AUH: variants seen among roughly 807,000 people sequenced by gnomAD.
The protein encoded by AUH is AU RNA binding methylglutaconyl-CoA hydratase.
A neutral mutation model predicts 42.3 loss-of-function variants in AUH; 29 were observed. The observed-to-expected ratio is 0.69, with a 90% CI of 0.51 to 0.93. The LOEUF (loss-of-function observed/expected upper bound fraction) is 0.93. Among genes scored for constraint, AUH ranks in the 40% least tolerant of loss-of-function variants. The probability of loss-of-function intolerance (pLI) is 0.00; values close to 1 mark genes in which losing one functional copy is unlikely to be tolerated. For synonymous variants in AUH, 174 were observed against 166.4 expected, an observed-to-expected ratio of 1.05 and a Z score of -0.35; for missense variants, 452 against 438.1, an observed-to-expected ratio of 1.03 and a Z score of -0.28.
intron 6 of AUH, among the ~76,000 whole-genome samples, chr9:91,290,839 C>T (rs1043797424): frequency 6.6e-6 from 1 of 152,166 alleles, no homozygotes; most frequent in African/African-American, 2.4e-5. Context: ...ATCTTGCTCC[C>T]TCCCCAAATT....
chr9:91,308,974 C>T (rs1828458391), intron 4 of AUH, among the ~76,000 whole-genome samples: 1 of 151,682 alleles, frequency 6.6e-6, no homozygotes, highest in African/African-American at 2.4e-5. Context: ...GTACTTTTAG[C>T]AGCGATGGGG....
chr9:91,316,888 A>G (rs1211650117), intron 4 of AUH, among the ~76,000 whole-genome samples: 1 of 152,212 alleles, frequency 6.6e-6, no homozygotes, highest in African/African-American at 2.4e-5. Flanking sequence ...TTAATTTGGT[A>G]AAATTGATCA....
chr9:91,249,380 A>G (rs1403211420), intron 6 of AUH, among the ~76,000 whole-genome samples: 3 of 149,912 alleles, frequency 2.0e-5, no homozygotes, highest in African/African-American at 7.4e-5. Context: ...TTTGGGGAAC[A>G]CTGGACCCAC....
intron 6 of AUH, among the ~76,000 whole-genome samples, chr9:91,282,062 T>C (rs1205111673): frequency 1.3e-5 from 2 of 152,108 alleles, no homozygotes; most frequent in African/African-American, 4.8e-5. Flanking sequence ...TAGATCTGAC[T>C]CCCCTATTGC....
chr9:91,340,522 CAG>C (rs1374064574), intron 3 of AUH, among the ~76,000 whole-genome samples: 1 of 152,154 alleles, frequency 6.6e-6, no homozygotes, highest in Admixed American at 6.5e-5. Flanking sequence ...AACTTCAACT[CAG>C]GGAGTTTTTA....
intron 6 of AUH, among the ~76,000 whole-genome samples, chr9:91,260,891 C>A (rs1045659660): frequency 2.6e-5 from 4 of 152,278 alleles, no homozygotes; most frequent in South Asian, 2.1e-4. Flanking sequence ...TTTTCTTCTA[C>A]AGTACCTAAT....
intron 6 of AUH, among the ~76,000 whole-genome samples, chr9:91,246,672 A>C (rs1416389079): frequency 2.6e-5 from 4 of 152,400 alleles, no homozygotes; most frequent in Middle Eastern, 3.4e-3. Context: ...GTCAGAAATC[A>C]CGCCAAAGGC....
intron 3 of AUH, among the ~76,000 whole-genome samples, chr9:91,346,205 T>C (rs1202421738): frequency 2.0e-5 from 3 of 151,988 alleles, no homozygotes; most frequent in Non-Finnish European, 4.4e-5. Context: ...ACCAGAAATA[T>C]CAAGCCATGA....
Position 91,239,441 on chromosome 9 carries a change from T to C in AUH, c.656-18449A>G, listed in dbSNP as rs148196832. 4.4e-3 allele frequency among the ~76,000 whole-genome samples: 674 copies of C among 152,312 alleles called. 18 individuals are homozygous for C. The highest frequency in any genetic ancestry group is 0.041 in the Admixed American group (622 of 15,294). On this transcript the variant is annotated intron_variant, in intron 6 of 9. Transcript: ENST00000375731. ...ACTGCAGTATAATGCTAACTTTGGA[T>C]TATAAAGCCCACTGCAAGCTGATTC...
intron 6 of AUH, among the ~76,000 whole-genome samples, chr9:91,275,822 G>A (rs950697027): frequency 6.6e-6 from 1 of 152,202 alleles, no homozygotes; most frequent in African/African-American, 2.4e-5. Flanking sequence ...TTGATGAAAT[G>A]AAAAGTGGTC....
chr9:91,330,983 T>C (rs1389353008), intron 3 of AUH, among the ~76,000 whole-genome samples: 1 of 152,182 alleles, frequency 6.6e-6, no homozygotes, highest in Non-Finnish European at 1.5e-5. Context: ...ATTATGTGCT[T>C]TTAATTTGTG....
chr9:91,312,913 TG>T, intron 4 of AUH, among the ~76,000 whole-genome samples: 1 of 152,190 alleles, frequency 6.6e-6, no homozygotes, highest in Non-Finnish European at 1.5e-5. Context: ...GCCTTTTATT[TG>T]TGATTCATGA....
chr9:91,217,351 G>A, intron 7 of AUH, 24 bp from the exon 8 acceptor site: 1 of 1,604,178 alleles, frequency 6.2e-7, no homozygotes, highest in Non-Finnish European at 8.5e-7. Flanking sequence ...TAAAGAAACA[G>A]ACTTCAATTA....
intron 4 of AUH, among the ~76,000 whole-genome samples, chr9:91,302,068 A>G (rs1827826132): frequency 6.6e-6 from 1 of 152,178 alleles, no homozygotes; most frequent in Non-Finnish European, 1.5e-5. Flanking sequence ...TGTCTGTCGT[A>G]GTAAATTTTA....
intron 3 of AUH, among the ~76,000 whole-genome samples, chr9:91,351,744 C>A (rs757861114): frequency 1.5e-4 from 23 of 152,104 alleles, no homozygotes; most frequent in Non-Finnish European, 3.2e-4. Context: ...ACTACGCATG[C>A]GAGGGATCTA....
chr9:91,268,886 T>C (rs1301779341), intron 6 of AUH, among the ~76,000 whole-genome samples: 2 of 152,196 alleles, frequency 1.3e-5, no homozygotes, highest in East Asian at 3.8e-4. Context: ...TATCTAAGCA[T>C]GTATTTAATA....
chr9:91,330,559 T>C (rs899571927), intron 3 of AUH, among the ~76,000 whole-genome samples: 2 of 152,238 alleles, frequency 1.3e-5, no homozygotes, highest in Non-Finnish European at 1.5e-5. Flanking sequence ...ACAATCATTT[T>C]GGAAAGCAAT....
At chr9:91,270,209 C>G (rs1825000872) in intron 6 of AUH, among the ~76,000 whole-genome samples, 1 of 152,146 alleles carries the variant, frequency 6.6e-6, no homozygotes, top group Admixed American at 6.5e-5. Context: ...AGATAACATA[C>G]AGAGACCAGA....
chr9:91,234,375 C>T (rs1221426855), intron 6 of AUH, among the ~76,000 whole-genome samples: 5 of 152,270 alleles, frequency 3.3e-5, no homozygotes, highest in Non-Finnish European at 4.4e-5. Flanking sequence ...TGCAGACCTG[C>T]CATGGTATAG....
Sources: allele counts gnomAD v4.1 joint callset (sites outside exome capture counted in the v4.1 genomes callset), GRCh38; gene constraint gnomAD v4.1.1; transcripts MANE v1.5; gene names NCBI Gene and HGNC (gene_info 2026-07-23, HGNC 2026-07-21).